ANKRD10: variants seen among roughly 807,000 people sequenced by gnomAD.
ANKRD10 encodes ankyrin repeat domain-containing protein 10.
In ANKRD10, 14 loss-of-function variants were observed where a neutral mutation model predicts 27.0. That is an observed-to-expected ratio of 0.52 (90% CI 0.34 to 0.81). The LOEUF (loss-of-function observed/expected upper bound fraction) is 0.81, where lower values mean the gene tolerates loss of function less well. ANKRD10 is among the 40% of genes least tolerant of loss of function. ANKRD10 has a pLI of 0.01. For missense variants in ANKRD10, 493 were observed against 544.0 expected, an observed-to-expected ratio of 0.91 and a Z score of 0.93; for synonymous variants, 250 against 224.5, an observed-to-expected ratio of 1.11 and a Z score of -1.01.
At position 110,879,704 on chromosome 13, in the gene ANKRD10, G is replaced by T; in HGVS notation, c.1196C>A (p.Ser399Tyr). 6.2e-7 allele frequency: 1 copy of T among 1,614,192 alleles called. No homozygotes were observed. Among genetic ancestry groups the T allele is most frequent in the Non-Finnish European group, 8.5e-7 (1 of 1,180,042 alleles). The change falls in exon 6 of 6, where the codon TCC becomes TAC. Residue 399 changes from serine (S) to tyrosine (Y), a missense_variant. Ser to Tyr is a moderately radical substitution (Grantham distance 144). Transcript: ENST00000267339. ...ELNSVVEHSK[S>Y]VKVQERYDSA... ...GTCGTACCGCTCCTGCACCTTCACG[G>T]ACTTGGAATGCTCGACCACACTGTT...
chr13:110,906,579 C>T (rs969194658), intron 2 of ANKRD10, among the ~76,000 whole-genome samples: 11 of 152,138 alleles, frequency 7.2e-5, no homozygotes, highest in South Asian at 2.1e-4. Context: ...AATGCTAACC[C>T]GAGTCAACAT....
At chr13:110,912,042 G>A (rs995758084) in intron 1 of ANKRD10, among the ~76,000 whole-genome samples, 1 of 152,196 alleles carries the variant, frequency 6.6e-6, no homozygotes, top group Admixed American at 6.5e-5. Flanking sequence ...AGACTTTGTG[G>A]CCAAGCACCA....
Position 110,893,226 on chromosome 13 carries a change from C to T in ANKRD10, c.493G>A (p.Ala165Thr). The stretch of plus-strand genomic sequence containing the variant: ...CACTCTTGGAAACCCTGGGTTTGTG[C>T]AATGTCTGCTGCTGTCAGGCCACTG... ...NASGLTAADI[A>T]QTQGFQECAQ... Residue 165 changes from alanine to threonine, a missense_variant, in exon 4 of 6, where the codon GCA becomes ACA. By Grantham distance (58) the Ala-to-Thr change is moderately conservative. Coordinates refer to ENST00000267339, the MANE Select transcript of ANKRD10 (RefSeq NM_017664.4). The T allele has an allele frequency of 1.9e-6, 3 of 1,614,146 alleles. No individual in the cohort carries two copies. Among genetic ancestry groups the T allele is most frequent in the Non-Finnish European group, 2.5e-6 (3 of 1,180,016 alleles).
Position 110,893,012 on chromosome 13 carries a change from C to G in ANKRD10, c.691+16G>C. The G allele has an allele frequency of 1.2e-6, 2 of 1,612,728 alleles. No homozygotes were observed. Among genetic ancestry groups the G allele is most frequent in the Non-Finnish European group, 1.7e-6 (2 of 1,179,276 alleles). ...GAAAAATAAGTGTGCTCTTCCCACC[C>G]GCAAAGCGGTCTCACCTTCAGTTCT... On this transcript the variant is annotated intron_variant, in intron 4 of 5. Coordinates refer to ENST00000267339, the MANE Select transcript of ANKRD10 (RefSeq NM_017664.4).
intron 3 of ANKRD10, among the ~76,000 whole-genome samples, chr13:110,901,233 TATTTA>T (rs1386377430): frequency 1.3e-5 from 2 of 152,222 alleles, no homozygotes; most frequent in African/African-American, 2.4e-5. Flanking sequence ...TCCAAACTCT[TATTTA>T]ATTATGAAGA....
intron 3 of ANKRD10, among the ~76,000 whole-genome samples, chr13:110,898,750 C>CTTTTTTTTTT (rs56176208): frequency 9.4e-6 from 1 of 106,556 alleles, no homozygotes; most frequent in Admixed American, 1.1e-4. Context: ...TTTTTCTTTT[C>CTTTTTTTTTT]TTTTTTTTTT....
At position 110,879,756 on chromosome 13, in the gene ANKRD10, C is replaced by T. The variant is rs1213442739; in HGVS notation, c.1144G>A (p.Asp382Asn). ...LYYGHYHGFG[D>N]TAESIPELNS... Reference sequence around the variant, plus strand: ...AGTTCTGGGATGCTTTCAGCAGTGTCCCCAAACCCGTGGTAGTGTCCATAG... The same window carrying T: ...AGTTCTGGGATGCTTTCAGCAGTGTTCCCAAACCCGTGGTAGTGTCCATAG... The change falls in exon 6 of 6, where the codon GAC (aspartate) becomes AAC (asparagine). Residue 382 changes from aspartate to asparagine, a missense_variant. Physicochemically the swap from Asp to Asn is conservative, Grantham distance 23 (BLOSUM62 1). Transcript: ENST00000267339. 1 of 1,614,098 alleles carries T rather than the reference C, an allele frequency of 6.2e-7. No individual in the cohort carries two copies. Among genetic ancestry groups the T allele is most frequent in the African/African-American group, 1.3e-5 (1 of 74,932 alleles).
In ANKRD10 at chr13:110,880,030, G is replaced by T; in HGVS notation, c.870C>A (p.Thr290=). The part of the protein sequence containing the change: ...INGHLDFPST[T]PLSGMESRNG... ...TCCTGCTTTCCATCCCACTGAGCGG[G>T]GTCGTGGAGGGGAAGTCCAAATGTC... The change falls in exon 6 of 6, where the codon ACC becomes ACA. Residue 290 remains threonine, a synonymous_variant. Transcript: ENST00000267339. 6.2e-7 allele frequency: 1 copy of T among 1,614,172 alleles called. No individual in the cohort carries two copies. Among genetic ancestry groups the T allele is most frequent in the Non-Finnish European group, 8.5e-7 (1 of 1,180,038 alleles).
intron 4 of ANKRD10, chr13:110,892,709 ATTT>A (rs1396843569): frequency 3.0e-6 from 3 of 1,010,090 alleles, no homozygotes; most frequent in Admixed American, 5.8e-5. Flanking sequence ...ACAGTGGCAG[ATTT>A]TCTTTAATAG....
intron 3 of ANKRD10, chr13:110,903,591 G>A (rs2065444975): frequency 6.5e-6 from 1 of 153,766 alleles, no homozygotes; most frequent in Non-Finnish European, 1.5e-5. Context: ...CAGACACTTA[G>A]TGTACTTGCC....
intron 4 of ANKRD10, among the ~76,000 whole-genome samples, chr13:110,888,811 T>C (rs894978285): frequency 3.3e-5 from 5 of 152,230 alleles, no homozygotes; most frequent in African/African-American, 1.2e-4. Context: ...GGTGTTTTTA[T>C]ATTCAATACC....
intron 4 of ANKRD10, 115 bp downstream of exon 4, chr13:110,892,913 C>G (rs565136007): frequency 1.4e-6 from 2 of 1,478,378 alleles, no homozygotes; most frequent in Non-Finnish European, 1.8e-6. Context: ...ATCCACCAGG[C>G]GCATTACCAC....
chr13:110,906,160 G>C (rs1248899887), intron 2 of ANKRD10, 36 bp from the exon 3 acceptor site: 13 of 1,498,748 alleles, frequency 8.7e-6, no homozygotes, highest in Middle Eastern at 1.7e-4. Context: ...CACATACTTA[G>C]AACAAAACTT....
chr13:110,886,818 CTATCT>C (rs1299217191), intron 4 of ANKRD10, among the ~76,000 whole-genome samples: 1 of 152,180 alleles, frequency 6.6e-6, no homozygotes, highest in Non-Finnish European at 1.5e-5. Flanking sequence ...CTATACTTTC[CTATCT>C]TAATATTGAT....
chr13:110,884,469 ACTT>A (rs1406692991), intron 4 of ANKRD10, among the ~76,000 whole-genome samples: 3 of 152,192 alleles, frequency 2.0e-5, no homozygotes, highest in Non-Finnish European at 4.4e-5. Context: ...AGCAAGACTC[ACTT>A]CTTACAACAA....
chr13:110,910,280 T>A (rs1349143210), intron 2 of ANKRD10, among the ~76,000 whole-genome samples: 3 of 152,214 alleles, frequency 2.0e-5, no homozygotes, highest in Non-Finnish European at 4.4e-5. Context: ...AATGTTTTCA[T>A]AATTATCTGT....
chr13:110,896,677 C>A (rs1469048992), intron 3 of ANKRD10, among the ~76,000 whole-genome samples: 1 of 152,226 alleles, frequency 6.6e-6, no homozygotes, highest in Admixed American at 6.5e-5. Flanking sequence ...ATTCTCAGTC[C>A]TAACTACTCA....
chr13:110,881,775 A>C (rs917875290), intron 5 of ANKRD10, among the ~76,000 whole-genome samples: 3 of 152,226 alleles, frequency 2.0e-5, no homozygotes, highest in Non-Finnish European at 4.4e-5. Flanking sequence ...AGTAGGTAGA[A>C]TTTTACTTCA....
chr13:110,893,269 C>A lies in ANKRD10; in HGVS notation c.456-6G>T. 6 of 1,613,498 alleles carry A rather than the reference C, an allele frequency of 3.7e-6. No homozygotes were observed. The highest frequency in any genetic ancestry group is 5.1e-6 in the Non-Finnish European group (6 of 1,179,602). ...GGCCACTGGCATTTCTCAGGCTGTA[C>A]AACACAAAAACACTGAATTACACCC... On this transcript the variant is annotated splice_region_variant and splice_polypyrimidine_tract_variant and intron_variant, in intron 3 of 5. Coordinates refer to ENST00000267339, the MANE Select transcript of ANKRD10 (RefSeq NM_017664.4).
Sources: gnomAD v4.1 joint callset for allele counts (sites outside exome capture counted in the v4.1 genomes callset) on GRCh38, gnomAD v4.1.1 for gene constraint, MANE v1.5 for transcripts, NCBI Gene and HGNC (gene_info 2026-07-23, HGNC 2026-07-21) for gene names.